Variants in PSPC1 observed in about 807,000 individuals in gnomAD.
PSPC1 encodes the protein paraspeckle component 1.
Under a neutral mutation model 51.6 loss-of-function variants are expected in PSPC1, and 14 were observed. The ratio of observed to expected loss-of-function variants is 0.27; its 90% CI spans 0.18 to 0.42. The LOEUF is 0.42. Ranked by LOEUF, PSPC1 falls within the 10% of genes least tolerant of loss-of-function variation. PSPC1 has a pLI of 1.00. For synonymous variants in PSPC1, 193 were observed against 231.9 expected (o/e 0.83, Z 1.53); for missense variants, 406 against 701.1 (o/e 0.58, Z 4.75).
chr13:19,671,923 CT>C, downstream of PSPC1: 1 of 1,570,624 alleles, frequency 6.4e-7, no homozygotes, highest in Non-Finnish European at 8.8e-7. Flanking sequence ...GATTCCTATA[CT>C]CTCTTTGACA....
At chr13:19,692,303 G>C (rs1356239526) in intron 6 of PSPC1, among the ~76,000 whole-genome samples, 1 of 152,064 alleles carries the variant, frequency 6.6e-6, no homozygotes, top group Admixed American at 6.5e-5. Context: ...TTTTAGTAGA[G>C]ATGGGGTTTT....
chr13:19,686,934 T>C (rs777470298), intron 6 of PSPC1, among the ~76,000 whole-genome samples: 1 of 152,148 alleles, frequency 6.6e-6, no homozygotes, highest in Non-Finnish European at 1.5e-5. Context: ...CGGTGGCTCA[T>C]GCCTGTAATC....
At chr13:19,673,785 A>G (rs1048890553), downstream of PSPC1, among the ~76,000 whole-genome samples, 8 of 152,216 alleles carry the variant, frequency 5.3e-5, no homozygotes, top group African/African-American at 9.6e-5. Flanking sequence ...TATCCGGGGG[A>G]AAAAGCCTGA....
At chr13:19,743,145 TTG>T (rs1417352071) in intron 4 of PSPC1, among the ~76,000 whole-genome samples, 16 of 152,212 alleles carry the variant, frequency 1.1e-4, no homozygotes, top group African/African-American at 3.4e-4. Flanking sequence ...CTAAAAATCT[TTG>T]TGTGTGATTT....
downstream of PSPC1, among the ~76,000 whole-genome samples, chr13:19,701,918 AT>A: frequency 6.6e-6 from 1 of 152,310 alleles, no homozygotes; most frequent in African/African-American, 2.4e-5. Context: ...CAACATACAC[AT>A]TTTTAAAGAG....
intron 2 of PSPC1, among the ~76,000 whole-genome samples, chr13:19,759,816 C>T (rs990905876): frequency 1.3e-5 from 2 of 149,012 alleles, no homozygotes; most frequent in Non-Finnish European, 3.0e-5. Flanking sequence ...GAGTCAAGAT[C>T]GCATCACTGC....
intron 3 of PSPC1, among the ~76,000 whole-genome samples, chr13:19,752,473 C>G (rs1358689457): frequency 6.6e-6 from 1 of 151,952 alleles, no homozygotes; most frequent in Non-Finnish European, 1.5e-5. Flanking sequence ...TATGACTGAT[C>G]TCAAACTCCT....
At chr13:19,771,070 C>T (rs749478437) in intron 2 of PSPC1, among the ~76,000 whole-genome samples, 1 of 152,132 alleles carries the variant, frequency 6.6e-6, no homozygotes, top group Non-Finnish European at 1.5e-5. Context: ...GCTGGGACTA[C>T]AGCGCAAATA....
intron 6 of PSPC1, among the ~76,000 whole-genome samples, chr13:19,715,193 T>C (rs1443991262): frequency 6.6e-6 from 1 of 152,198 alleles, no homozygotes; most frequent in African/African-American, 2.4e-5. Flanking sequence ...GCACCCTCAA[T>C]AATTTTTAAT....
chr13:19,671,879 A>T, downstream of PSPC1: 1 of 1,613,998 alleles, frequency 6.2e-7, no homozygotes, highest in Non-Finnish European at 8.5e-7. Context: ...GCAGTGACCA[A>T]ACAGAAGGGA....
At chr13:19,747,673 AT>A (rs1449128875) in intron 4 of PSPC1, among the ~76,000 whole-genome samples, 1 of 152,224 alleles carries the variant, frequency 6.6e-6, no homozygotes, top group African/African-American at 2.4e-5. Flanking sequence ...TTGCTTACAA[AT>A]ACACAAAAAC....
Position 19,765,296 on chromosome 13 carries a change from C to A in PSPC1, c.675-5878G>T, listed in dbSNP as rs148329178. On this transcript the variant is annotated intron_variant, in intron 2 of 8. Transcript: ENST00000338910. ...CCAAGATCATGCCATGCACTCCACCCTGGGTGACAGAATGAGAGCCCATCT... is the reference window on the plus strand; with the variant it reads ...CCAAGATCATGCCATGCACTCCACCATGGGTGACAGAATGAGAGCCCATCT... 6.0e-5 allele frequency among the ~76,000 whole-genome samples: 9 copies of A among 149,976 alleles called. 1 individual carries two copies. The highest frequency in any genetic ancestry group is 1.3e-4 in the Admixed American group (2 of 14,936).
chr13:19,672,784 G>A (rs1876209188), downstream of PSPC1: 1 of 229,286 alleles, frequency 4.4e-6, no homozygotes, highest in Non-Finnish European at 8.9e-6. Flanking sequence ...AGTACACTAT[G>A]AGACCTAAAA....
At chr13:19,687,158 G>A (rs539054749) in intron 6 of PSPC1, among the ~76,000 whole-genome samples, 8 of 152,150 alleles carry the variant, frequency 5.3e-5, no homozygotes, top group South Asian at 2.1e-4. Context: ...CTGAAATCGC[G>A]CCACTGCACT....
intron 4 of PSPC1, among the ~76,000 whole-genome samples, chr13:19,746,015 T>TG (rs1276755364): frequency 2.0e-5 from 3 of 150,412 alleles, no homozygotes; most frequent in East Asian, 4.0e-4. Context: ...TTTTGTTTTT[T>TG]TTTTTTTTTG....
intron 2 of PSPC1, among the ~76,000 whole-genome samples, chr13:19,760,421 A>C (rs922520168): frequency 6.6e-6 from 1 of 151,744 alleles, no homozygotes; most frequent in African/African-American, 2.4e-5. Context: ...CCAGCTACTC[A>C]GGAGGCTGAG....
chr13:19,697,354 C>T (rs903903640), intron 6 of PSPC1, among the ~76,000 whole-genome samples: 12 of 152,156 alleles, frequency 7.9e-5, no homozygotes, highest in African/African-American at 2.4e-4. Context: ...TCTGTGGCTG[C>T]TGTCCCTTAA....
At chr13:19,684,764 G>A (rs985600601) in intron 6 of PSPC1, among the ~76,000 whole-genome samples, 2 of 152,338 alleles carry the variant, frequency 1.3e-5, no homozygotes, top group Admixed American at 6.5e-5. Context: ...GATGAGGTCT[G>A]ATGACCAACC....
chr13:19,680,234 C>T (rs1223230285), intron 6 of PSPC1, among the ~76,000 whole-genome samples: 1 of 152,124 alleles, frequency 6.6e-6, no homozygotes, highest in African/African-American at 2.4e-5. Flanking sequence ...AGGCTGCTCT[C>T]GAACTCCTGA....
Sources: gnomAD v4.1 joint callset for allele counts (sites outside exome capture counted in the v4.1 genomes callset) on GRCh38, gnomAD v4.1.1 for gene constraint, MANE v1.5 for transcripts, NCBI Gene and HGNC (gene_info 2026-07-23, HGNC 2026-07-21) for gene names.